FRY: variants seen among roughly 807,000 people sequenced by gnomAD.
FRY encodes FRY microtubule binding protein, also known as protein furry homolog.
FRY carries 128 observed loss-of-function variants against 348.4 expected under a neutral mutation model. The observed-to-expected ratio is 0.37, with a 90% CI of 0.32 to 0.43. The LOEUF (loss-of-function observed/expected upper bound fraction) is 0.43. FRY is among the 20% of genes least tolerant of loss of function. The pLI, the probability that FRY is intolerant of heterozygous loss-of-function variation, is 1.00. For missense variants in FRY, 2,736 were observed against 3,695.2 expected, an observed-to-expected ratio of 0.74 and a Z score of 6.73; for synonymous variants, 1,370 against 1,374.7, an observed-to-expected ratio of 1.00 and a Z score of 0.08.
At chr13:32,179,082 CTTGT>C in intron 22 of FRY, 49 bp downstream of exon 22, 1 of 1,459,072 alleles carries the variant, frequency 6.9e-7, no homozygotes, top group Non-Finnish European at 9.6e-7. Context: ...TTTTTTTTAG[CTTGT>C]TTGTCTAGAG....
At chr13:32,189,879 C>T (rs1278575576) in intron 28 of FRY, among the ~76,000 whole-genome samples, 1 of 151,860 alleles carries the variant, frequency 6.6e-6, no homozygotes, top group African/African-American at 2.4e-5. Flanking sequence ...GAGATTGTCT[C>T]TAATACATAG....
intron 59 of FRY, among the ~76,000 whole-genome samples, chr13:32,292,785 C>T (rs922139279): frequency 4.0e-5 from 5 of 125,392 alleles, no homozygotes; most frequent in Admixed American, 3.6e-4. Flanking sequence ...AGCAAGACTC[C>T]ATCTCAATAA....
At position 32,202,916 on chromosome 13, in the gene FRY, C is replaced by A. The variant is rs183930628; in HGVS notation, c.4018+389C>A. Among the ~76,000 whole-genome samples the A allele has an allele frequency of 2.7e-5, 4 of 150,662 alleles. No homozygotes were observed. In the East Asian group the frequency reaches 7.8e-4, roughly 29 times the overall value. The stretch of plus-strand genomic sequence containing the variant: ...GTGAGCCGAGATTGCGCCACCGTAC[C>A]CCAACCTGGGCAACAGAGTGAGACA... On this transcript the variant is annotated intron_variant, in intron 31 of 60. Coordinates refer to ENST00000542859, the MANE Select transcript of FRY (RefSeq NM_023037.3).
rs775034044 is a variant in FRY, at chr13:32,184,671, T to C, written c.3126T>C (p.Asp1042=). 1 of 1,606,708 alleles carries C rather than the reference T, an allele frequency of 6.2e-7. No homozygotes were observed. The highest frequency in any genetic ancestry group is 1.7e-5 in the Admixed American group (1 of 60,026). ...TTCGAATTTTTGAACTTTTGGCTGA[T>C]GCTGGTGTAATAAGTGACAGGTAGG... is the stretch of plus-strand genomic sequence containing the variant. The part of the protein sequence containing the change: ...QLLRIFELLA[D]AGVISDSTNG... Residue 1042 remains aspartate, a synonymous_variant, in exon 25 of 61, where the codon GAT becomes GAC. Transcript: ENST00000542859.
intron 35 of FRY, among the ~76,000 whole-genome samples, chr13:32,214,693 T>C (rs1261352434): frequency 2.6e-5 from 4 of 152,220 alleles, no homozygotes; most frequent in Non-Finnish European, 2.9e-5. Context: ...ACCAGTCCGC[T>C]TTCCCTTACC....
chr13:32,178,017 G>T (rs1882475517), intron 20 of FRY, among the ~76,000 whole-genome samples, 160 bp from the exon 21 acceptor site: 1 of 152,162 alleles, frequency 6.6e-6, no homozygotes, highest in Non-Finnish European at 1.5e-5. Context: ...CACACACCAA[G>T]GTCAAATGTG....
intron 53 of FRY, among the ~76,000 whole-genome samples, chr13:32,263,048 A>C (rs545345142): frequency 3.8e-4 from 58 of 152,396 alleles, no homozygotes; most frequent in African/African-American, 1.3e-3. Context: ...TTAATTAGAA[A>C]AAATCTAACA....
At chr13:32,184,718 T>C in intron 25 of FRY, 27 bp downstream of exon 25, 1 of 1,285,120 alleles carries the variant, frequency 7.8e-7, no homozygotes, top group South Asian at 1.2e-5. Flanking sequence ...ACCGAGTTGC[T>C]CTCTTCTCAC....
At chr13:32,274,574 G>T (rs549622402) in intron 55 of FRY, among the ~76,000 whole-genome samples, 6 of 151,584 alleles carry the variant, frequency 4.0e-5, no homozygotes, top group Admixed American at 1.3e-4. Context: ...CGTGGTGGCA[G>T]GCACCTGTAG....
intron 11 of FRY, among the ~76,000 whole-genome samples, chr13:32,145,151 T>C (rs988349009): frequency 1.3e-5 from 2 of 152,042 alleles, no homozygotes; most frequent in African/African-American, 4.8e-5. Flanking sequence ...GCAGAAGAGA[T>C]AGGTTAGAGC....
intron 15 of FRY, 71 bp from the exon 16 acceptor site, chr13:32,157,202 A>G (rs910668965): frequency 2.0e-5 from 29 of 1,427,006 alleles, no homozygotes; most frequent in Non-Finnish European, 2.9e-5. Flanking sequence ...AAAATATTAT[A>G]GAGGATGAAT....
At chr13:32,147,215 A>G in intron 11 of FRY, 67 bp from the exon 12 acceptor site, 2 of 948,186 alleles carry the variant, frequency 2.1e-6, no homozygotes, top group South Asian at 2.7e-5. Flanking sequence ...TGCAGATAAG[A>G]GCCATCTCTA....
chr13:32,185,296 T>C, intron 26 of FRY, 148 bp downstream of exon 26: 1 of 722,246 alleles, frequency 1.4e-6, no homozygotes, highest in Non-Finnish European at 2.5e-6. Flanking sequence ...AGGACATATA[T>C]ATGAGAACAG....
At chr13:32,181,888 G>A (rs74816428) in intron 23 of FRY, among the ~76,000 whole-genome samples, 2,872 of 152,234 alleles carry the variant, frequency 0.019, 113 homozygotes, top group African/African-American at 0.065. Flanking sequence ...CATATTAAAT[G>A]TAAATATTCA....
At position 32,081,248 on chromosome 13, in the gene FRY, A is replaced by T. The variant is rs530681068; in HGVS notation, c.270+2215A>T. On this transcript the variant is annotated intron_variant, in intron 2 of 60. Coordinates refer to ENST00000542859, the MANE Select transcript of FRY (RefSeq NM_023037.3). ...CTTCCTTATGTGCTTAGAGTGAGGG[A>T]TTCTTCTGGGTGTTGATGGCCAACA... Among the ~76,000 whole-genome samples, 4 of 152,296 alleles carry T rather than the reference A, an allele frequency of 2.6e-5. No individual in the cohort carries two copies. The East Asian group carries it at 7.7e-4, about 29-fold the overall frequency.
intron 1 of FRY, among the ~76,000 whole-genome samples, chr13:32,045,041 C>T (rs1485121429): frequency 6.6e-6 from 1 of 152,090 alleles, no homozygotes; most frequent in Non-Finnish European, 1.5e-5. Context: ...ACCCGCTGGC[C>T]CCTAAGGCCA....
Position 32,129,793 on chromosome 13 carries a change from A to T in FRY, c.717-1879A>T, listed in dbSNP as rs114671289. ...AGAGGAAAATCCATAAGGCAGTTAA[A>T]CAAAGTATTATAAAATGGACACCAT... On this transcript the variant is annotated intron_variant, in intron 7 of 60. Transcript: ENST00000542859. Among the ~76,000 whole-genome samples, 777 of 152,328 alleles carry T rather than the reference A, an allele frequency of 5.1e-3. 3 individuals are homozygous for T. The highest frequency in any genetic ancestry group is 0.018 in the African/African-American group (733 of 41,564).
intron 4 of FRY, among the ~76,000 whole-genome samples, chr13:32,118,923 T>C (rs1379025971): frequency 6.6e-6 from 1 of 152,094 alleles, no homozygotes; most frequent in East Asian, 1.9e-4. Flanking sequence ...GGGCAGGGAG[T>C]GGGACAGTTT....
chr13:32,225,789 G>A lies in FRY; in HGVS notation c.5021G>A (p.Gly1674Asp), dbSNP rs1248470918. Residue 1674 changes from glycine (G) to aspartate (D), a missense_variant and splice_region_variant, in exon 39 of 61, where the codon GGT becomes GAT. Physicochemically the swap from Gly to Asp is moderately conservative, Grantham distance 94 (BLOSUM62 -1). Transcript: ENST00000542859. ...CTTAGATTCTACTGTTTTGTTCCAG[G>A]TTTAGACCACTACCGGCCTGAAGTC... ...LPLLLHAVFL[G>D]LDHYRPEVFE... 6.2e-7 allele frequency: 1 copy of A among 1,612,224 alleles called. No homozygotes were observed.
Sources: gnomAD v4.1 joint callset for allele counts (sites outside exome capture counted in the v4.1 genomes callset) on GRCh38, gnomAD v4.1.1 for gene constraint, MANE v1.5 for transcripts, NCBI Gene and HGNC (gene_info 2026-07-23, HGNC 2026-07-21) for gene names.